SEC14L1: variants seen among roughly 807,000 people sequenced by gnomAD.
SEC14L1 encodes SEC14-like protein 1.
In SEC14L1, 48 loss-of-function variants were observed where a neutral mutation model predicts 85.3. The observed-to-expected ratio is 0.56, with a 90% CI of 0.45 to 0.72. SEC14L1 has a LOEUF of 0.72. SEC14L1 is among the 30% of genes least tolerant of loss of function. The pLI, the probability that SEC14L1 is intolerant of heterozygous loss-of-function variation, is 0.00. For synonymous variants in SEC14L1, 391 were observed against 355.5 expected (o/e 1.10, Z -1.12); for missense variants, 682 against 921.4 (o/e 0.74, Z 3.36).
intron 3 of SEC14L1, among the ~76,000 whole-genome samples, chr17:77,163,557 C>T (rs1220946045): frequency 6.6e-6 from 1 of 152,122 alleles, no homozygotes; most frequent in African/African-American, 2.4e-5. Context: ...TTGTTGTTAA[C>T]AAGCAGAATT....
chr17:77,137,632 C>T (rs1435317819), upstream of SEC14L1, among the ~76,000 whole-genome samples: 1 of 152,192 alleles, frequency 6.6e-6, no homozygotes, highest in Non-Finnish European at 1.5e-5. Context: ...CCACCTGCAT[C>T]CACACAGCTT....
intron 3 of SEC14L1, among the ~76,000 whole-genome samples, chr17:77,165,203 C>A: frequency 6.6e-6 from 1 of 152,168 alleles, no homozygotes; most frequent in East Asian, 1.9e-4. Context: ...TAACTAAATC[C>A]ATATATTTCC....
At chr17:77,202,619 A>G (rs749490744) in intron 9 of SEC14L1, among the ~76,000 whole-genome samples, 2 of 150,506 alleles carry the variant, frequency 1.3e-5, no homozygotes, top group African/African-American at 2.5e-5. Context: ...CTTCGTCTCA[A>G]ATAAAAAACA....
intron 3 of SEC14L1, among the ~76,000 whole-genome samples, chr17:77,147,278 C>G (rs936541940): frequency 4.6e-5 from 7 of 151,928 alleles, no homozygotes; most frequent in African/African-American, 1.7e-4. Context: ...GTAAAAAGTG[C>G]CTAGTATAAA....
At chr17:77,102,585 C>T (rs905507187) in intron 3 of SEC14L1, among the ~76,000 whole-genome samples, 1 of 152,026 alleles carries the variant, frequency 6.6e-6, no homozygotes, top group South Asian at 2.1e-4. Flanking sequence ...CTCACTGCAA[C>T]CTCCCCCTCC....
intron 3 of SEC14L1, among the ~76,000 whole-genome samples, chr17:77,156,561 C>T (rs35679607): frequency 0.028 from 4,185 of 147,108 alleles, 66 homozygotes; most frequent in Middle Eastern, 0.063. Context: ...GGCAGCAGAG[C>T]GAGACTCCGT....
chr17:77,212,750 G>A (rs1976827063), intron 15 of SEC14L1: 1 of 165,030 alleles, frequency 6.1e-6, no homozygotes, highest in East Asian at 1.8e-4. Context: ...ACAGTTTTCA[G>A]GGGTAAGGCT....
chr17:77,096,192 T>C (rs1206176054), intron 3 of SEC14L1, among the ~76,000 whole-genome samples: 3 of 151,932 alleles, frequency 2.0e-5, no homozygotes, highest in South Asian at 2.1e-4. Context: ...CCATCACGCC[T>C]GGCTACAGAT....
intron 3 of SEC14L1, among the ~76,000 whole-genome samples, chr17:77,102,916 C>T (rs1269823990): frequency 6.6e-6 from 1 of 152,128 alleles, no homozygotes; most frequent in Non-Finnish European, 1.5e-5. Context: ...ATCCCCCCTA[C>T]TCAGCCTCCC....
chr17:77,183,832 C>CA (rs1555625085), intron 3 of SEC14L1, among the ~76,000 whole-genome samples: 1 of 137,684 alleles, frequency 7.3e-6, no homozygotes, highest in Non-Finnish European at 1.6e-5. Flanking sequence ...AAGACTCTGA[C>CA]ATTTTTTTTT....
At chr17:77,194,630 T>G (rs1292533612) in intron 6 of SEC14L1, 47 bp from the exon 7 acceptor site, 2 of 1,447,866 alleles carry the variant, frequency 1.4e-6, no homozygotes, top group Non-Finnish European at 1.9e-6. Flanking sequence ...GATGAGTAAT[T>G]TGAATGTTGA....
intron 3 of SEC14L1, among the ~76,000 whole-genome samples, chr17:77,148,565 C>T (rs1973415673): frequency 6.6e-6 from 1 of 152,196 alleles, no homozygotes; most frequent in Non-Finnish European, 1.5e-5. Flanking sequence ...TGCTGGCTTT[C>T]TCCAGGAACC....
upstream of SEC14L1, among the ~76,000 whole-genome samples, chr17:77,137,239 A>G (rs569708995): frequency 6.6e-6 from 1 of 152,294 alleles, no homozygotes; most frequent in Admixed American, 6.5e-5. Context: ...TAGTATCATT[A>G]TATGTTCAAA....
At chr17:77,115,675 G>A (rs1972154829) in intron 3 of SEC14L1, among the ~76,000 whole-genome samples, 1 of 152,112 alleles carries the variant, frequency 6.6e-6, no homozygotes, top group Admixed American at 6.6e-5. Flanking sequence ...TACATTGTGA[G>A]TTGTTGCAAC....
At chr17:77,092,951 C>CAAAA (rs35244244) in intron 2 of SEC14L1, among the ~76,000 whole-genome samples, 30 of 84,354 alleles carry the variant, frequency 3.6e-4, no homozygotes, top group East Asian at 6.8e-4. Context: ...AACTCCGTCT[C>CAAAA]AAAAAAAAAA....
At chr17:77,185,225 G>C in intron 3 of SEC14L1, 1 of 985,486 alleles carries the variant, frequency 1.0e-6, no homozygotes, top group Non-Finnish European at 1.2e-6. Context: ...TGCATTTGGT[G>C]GCAGAGTGAC....
intron 3 of SEC14L1, among the ~76,000 whole-genome samples, chr17:77,147,050 C>A (rs62078295): frequency 6.6e-6 from 1 of 152,094 alleles, no homozygotes; most frequent in African/African-American, 2.4e-5. Context: ...CTTGTGAGCA[C>A]GTCAGAAAGC....
chr17:77,117,747 C>A (rs1159232132), intron 3 of SEC14L1, among the ~76,000 whole-genome samples: 1 of 152,178 alleles, frequency 6.6e-6, no homozygotes, highest in African/African-American at 2.4e-5. Context: ...GTTTGGGGAC[C>A]TTTTGGTCTT....
intron 3 of SEC14L1, chr17:77,185,089 T>TA (rs1295677520): frequency 2.3e-6 from 1 of 442,144 alleles, no homozygotes; most frequent in Non-Finnish European, 3.0e-6. Context: ...AGGCAGGACT[T>TA]ATCTTTTTAT....
Sources: allele counts gnomAD v4.1 joint callset (sites outside exome capture counted in the v4.1 genomes callset), GRCh38; gene constraint gnomAD v4.1.1; transcripts MANE v1.5; gene names NCBI Gene and HGNC (gene_info 2026-07-23, HGNC 2026-07-21).